Variants in SLC25A42 observed in about 807,000 individuals in gnomAD.
The protein encoded by SLC25A42 is mitochondrial coenzyme A transporter SLC25A42.
In SLC25A42, 19 loss-of-function variants were observed where a neutral mutation model predicts 34.7. The observed-to-expected ratio is 0.55, with a 90% CI of 0.38 to 0.80. The LOEUF is 0.80. SLC25A42 is among the 30% of genes least tolerant of loss of function. The pLI, the probability that SLC25A42 is intolerant of heterozygous loss-of-function variation, is 0.00. For missense variants in SLC25A42, 364 were observed against 441.3 expected (o/e 0.82, Z 1.57); for synonymous variants, 205 against 191.2 (o/e 1.07, Z -0.59).
intron 1 of SLC25A42, among the ~76,000 whole-genome samples, chr19:19,069,831 T>C (rs1038772210): frequency 4.7e-5 from 7 of 150,182 alleles, no homozygotes; most frequent in Non-Finnish European, 4.5e-5. Context: ...TCCTCTTCTT[T>C]TTTTTTTTTT....
intron 6 of SLC25A42, 197 bp downstream of exon 6, chr19:19,106,582 C>T: frequency 2.0e-6 from 1 of 494,048 alleles, no homozygotes; most frequent in Non-Finnish European, 3.6e-6. Context: ...GGGTCACTTT[C>T]TGCTTAGATC....
chr19:19,101,711 C>T, intron 2 of SLC25A42, 70 bp from the exon 3 acceptor site: 2 of 1,412,210 alleles, frequency 1.4e-6, no homozygotes, highest in Non-Finnish European at 1.9e-6. Flanking sequence ...AAGGAAGGCA[C>T]TTCTGGGGCA....
At chr19:19,076,385 A>G (rs2145901531) in intron 1 of SLC25A42, among the ~76,000 whole-genome samples, 1 of 152,148 alleles carries the variant, frequency 6.6e-6, no homozygotes, top group Middle Eastern at 3.4e-3. Flanking sequence ...CACAAGAATC[A>G]CTTGAACCTG....
Position 19,104,906 on chromosome 19 carries a change from T to C in SLC25A42, c.188-7T>C, listed in dbSNP as rs367756691. ...CTCAGTGGCTTTTGTGCTTTTGTTTTTTCCAGTGTCTTCAAAAAGATTTTC... is the reference window on the plus strand; with the variant it reads ...CTCAGTGGCTTTTGTGCTTTTGTTTCTTCCAGTGTCTTCAAAAAGATTTTC... On this transcript the variant is annotated splice_region_variant and splice_polypyrimidine_tract_variant and intron_variant, in intron 3 of 7. Coordinates refer to ENST00000318596, the MANE Select transcript of SLC25A42 (RefSeq NM_178526.5). 1.5e-5 allele frequency: 25 copies of C among 1,614,034 alleles called. No homozygotes were observed. The highest frequency in any genetic ancestry group is 2.2e-5 in the South Asian group (2 of 91,078).
At chr19:19,066,345 C>G (rs560283919) in intron 1 of SLC25A42, among the ~76,000 whole-genome samples, 146 of 152,222 alleles carry the variant, frequency 9.6e-4, no homozygotes, top group African/African-American at 3.4e-3. Flanking sequence ...ATATATCCCC[C>G]ACCCCTTTTA....
chr19:19,093,305 C>A (rs776360969), intron 1 of SLC25A42, among the ~76,000 whole-genome samples: 2 of 152,168 alleles, frequency 1.3e-5, no homozygotes, highest in Non-Finnish European at 2.9e-5. Flanking sequence ...TGCGTGCCAC[C>A]ACGCCCAGCT....
At chr19:19,107,846 T>C in intron 6 of SLC25A42, 48 bp from the exon 7 acceptor site, 1 of 1,608,506 alleles carries the variant, frequency 6.2e-7, no homozygotes, top group Non-Finnish European at 8.5e-7. Flanking sequence ...CTCCTCCCTG[T>C]GCCTGGGAGG....
intron 1 of SLC25A42, among the ~76,000 whole-genome samples, chr19:19,069,054 G>A (rs940962349): frequency 1.7e-4 from 26 of 151,190 alleles, no homozygotes; most frequent in African/African-American, 6.1e-4. Context: ...TATATAACAT[G>A]TATGTGAAAA....
intron 1 of SLC25A42, among the ~76,000 whole-genome samples, chr19:19,072,741 G>A (rs889330168): frequency 1.3e-5 from 2 of 152,086 alleles, no homozygotes; most frequent in African/African-American, 4.8e-5. Flanking sequence ...GTGCAGTGGT[G>A]TAATCACAGC....
chr19:19,075,245 G>A (rs1448052724), intron 1 of SLC25A42, among the ~76,000 whole-genome samples: 1 of 152,142 alleles, frequency 6.6e-6, no homozygotes, highest in African/African-American at 2.4e-5. Context: ...GTTCTATGCT[G>A]AGGCTGGTGT....
chr19:19,068,837 CAAATAAATAAAT>C (rs111792120), intron 1 of SLC25A42, among the ~76,000 whole-genome samples: 185 of 137,554 alleles, frequency 1.3e-3, no homozygotes, highest in African/African-American at 4.2e-3. Flanking sequence ...CACTCAGTCT[CAAATAAATAAAT>C]AAATAAATAA....
chr19:19,101,664 G>T, intron 2 of SLC25A42, 117 bp from the exon 3 acceptor site: 1 of 841,608 alleles, frequency 1.2e-6, no homozygotes. Context: ...ACATACTCAG[G>T]GTGGGGTACA....
intron 1 of SLC25A42, among the ~76,000 whole-genome samples, chr19:19,078,981 G>A (rs1055668098): frequency 1.3e-5 from 2 of 151,686 alleles, no homozygotes; most frequent in Non-Finnish European, 2.9e-5. Flanking sequence ...TCACAGTGTT[G>A]TGCAACCACT....
intron 6 of SLC25A42, 66 bp from the exon 7 acceptor site, chr19:19,107,828 C>T: frequency 6.9e-6 from 11 of 1,583,818 alleles, no homozygotes; most frequent in Non-Finnish European, 8.6e-6. Flanking sequence ...AGCCGAGAGC[C>T]TCTGTGGCTC....
chr19:19,071,541 A>G (rs1480626324), intron 1 of SLC25A42, among the ~76,000 whole-genome samples: 1 of 152,178 alleles, frequency 6.6e-6, no homozygotes. Context: ...CTAATGAGGA[A>G]TTAACTACAT....
chr19:19,068,837 CAAATAAATAAATAAATAAAT>C (rs111792120), intron 1 of SLC25A42, among the ~76,000 whole-genome samples: 1 of 137,478 alleles, frequency 7.3e-6, no homozygotes, highest in Non-Finnish European at 1.6e-5. Flanking sequence ...CACTCAGTCT[CAAATAAATAAATAAATAAAT>C]AAATAAATAA....
chr19:19,106,443 C>T, intron 6 of SLC25A42, 58 bp downstream of exon 6: 1 of 1,421,856 alleles, frequency 7.0e-7, no homozygotes, highest in South Asian at 1.2e-5. Flanking sequence ...CTCGGGGGCT[C>T]CCAGGTCGGA....
chr19:19,101,990 AT>A, intron 3 of SLC25A42, 104 bp downstream of exon 3: 2 of 702,788 alleles, frequency 2.8e-6, no homozygotes, highest in Non-Finnish European at 4.6e-6. Context: ...TTTTAGATTT[AT>A]TTTAGAAATA....
chr19:19,100,009 T>G (rs1168636832), intron 2 of SLC25A42, among the ~76,000 whole-genome samples: 2 of 151,530 alleles, frequency 1.3e-5, no homozygotes, highest in Non-Finnish European at 2.9e-5. Flanking sequence ...ATTATAGGCA[T>G]GAGACACAGT....
Sources: allele counts gnomAD v4.1 joint callset (sites outside exome capture counted in the v4.1 genomes callset), GRCh38; gene constraint gnomAD v4.1.1; transcripts MANE v1.5; gene names NCBI Gene and HGNC (gene_info 2026-07-23, HGNC 2026-07-21).